The following RGL4 variants were observed in gnomAD, a reference collection of about 807,000 sequenced individuals.
The protein encoded by RGL4 is ral-GDS-related protein.
RGL4 carries 41 observed loss-of-function variants against 49.6 expected under a neutral mutation model. The ratio of observed to expected loss-of-function variants is 0.83; its 90% CI spans 0.64 to 1.07. The LOEUF (loss-of-function observed/expected upper bound fraction) is 1.07, where lower values mean the gene tolerates loss of function less well. Ranked by LOEUF, RGL4 falls within the 50% of genes least tolerant of loss-of-function variation. The pLI is 0.00. For missense variants in RGL4, 610 were observed against 591.9 expected, an observed-to-expected ratio of 1.03 and a Z score of -0.32; for synonymous variants, 255 against 238.0, an observed-to-expected ratio of 1.07 and a Z score of -0.66.
In RGL4 at chr22:23,692,973, G is replaced by C. The variant is rs1923238152; in HGVS notation, c.678G>C (p.Gln226His). The C allele has an allele frequency of 5.0e-6, 8 of 1,606,838 alleles. No homozygotes were observed. The highest frequency in any genetic ancestry group is 6.8e-6 in the Non-Finnish European group (8 of 1,175,704). The change falls in exon 3 of 11, where the codon CAG becomes CAC. Residue 226 changes from glutamine to histidine, a missense_variant. Physicochemically the swap from Gln to His is conservative, Grantham distance 24. Coordinates refer to ENST00000290691, the MANE Select transcript of RGL4 (RefSeq NM_153615.2). ...TTFPPRLLAE[Q>H]LTLMDAELFK... ...TCCCTCCCAGGCTGCTGGCAGAGCA[G>C]CTGACCCTCATGGATGCGGTGAGCA...
chr22:23,694,283 G>A (rs1225867734), intron 4 of RGL4, 64 bp from the exon 5 acceptor site: 3 of 1,243,710 alleles, frequency 2.4e-6, no homozygotes, highest in East Asian at 2.3e-5. Flanking sequence ...TCAGCAGAGG[G>A]GGCTGAGGCT....
At chr22:23,696,548 G>C (rs1923506872) in intron 6 of RGL4, 66 bp from the exon 7 acceptor site, 2 of 1,610,374 alleles carry the variant, frequency 1.2e-6, no homozygotes, top group African/African-American at 1.3e-5. Context: ...CCAAGTGCGG[G>C]GTGGCTGGGG....
At chr22:23,693,107 T>A (rs1290401410) in intron 3 of RGL4, 116 bp downstream of exon 3, 3 of 1,439,034 alleles carry the variant, frequency 2.1e-6, no homozygotes, top group Admixed American at 5.5e-5. Flanking sequence ...TTACCAACCG[T>A]GGGATCTGGA....
Position 23,691,846 on chromosome 22 carries a change from G to C in RGL4, c.-185G>C, listed in dbSNP as rs922630405. The C allele has an allele frequency of 1.7e-6, 1 of 575,162 alleles. No individual in the cohort carries two copies. Among genetic ancestry groups the C allele is most frequent in the African/African-American group, 1.9e-5 (1 of 53,712 alleles). 35.6% of individuals were successfully genotyped at this position (575,162 alleles called of 1,614,324 possible). A position where few individuals can be genotyped will look rare whatever the true frequency, so the allele number is the denominator to read the frequency against. On this transcript the variant is annotated 5_prime_UTR_variant, in exon 1 of 11. Transcript: ENST00000290691. ...GGACTTCCCCCACAAGAGGCAAATA[G>C]TGAGTTCTGTAAATGGAGACTTAGG...
Position 23,694,396 on chromosome 22 carries a change from C to G in RGL4, c.962C>G (p.Ala321Gly). ...TCCTCGGTGCACGTCATCGTCTCTG[C>G]TCTGTGCAGCAACCCAATAGGTCAG... ...NFSSVHVIVS[A>G]LCSNPIGQLH... The change falls in exon 5 of 11, where the codon GCT becomes GGT. Residue 321 changes from alanine to glycine, a missense_variant. By Grantham distance (60) the Ala-to-Gly change is moderately conservative. Transcript: ENST00000290691. The G allele has an allele frequency of 1.2e-6, 2 of 1,614,042 alleles. No homozygotes were observed. The highest frequency in any genetic ancestry group is 1.1e-5 in the South Asian group (1 of 91,088).
At chr22:23,693,247 A>G in intron 3 of RGL4, 1 of 629,766 alleles carries the variant, frequency 1.6e-6, no homozygotes. Flanking sequence ...AGGGCAGGGC[A>G]GGTGCTCACT....
At chr22:23,696,076 C>T (rs1923474135) in intron 6 of RGL4, among the ~76,000 whole-genome samples, 1 of 152,202 alleles carries the variant, frequency 6.6e-6, no homozygotes, top group Non-Finnish European at 1.5e-5. Flanking sequence ...CACTCAAAGA[C>T]TCCAGAGAAC....
rs544286504 is a variant in RGL4, at chr22:23,694,033, C to T, written c.912+59C>T. The T allele has an allele frequency of 2.3e-5, 33 of 1,456,558 alleles. 2 individuals are homozygous for T. In the South Asian group the frequency reaches 3.8e-4, roughly 17 times the overall value. 90.2% of individuals were successfully genotyped at this position (1,456,558 alleles called of 1,614,324 possible). On this transcript the variant is annotated intron_variant, in intron 4 of 10. Transcript: ENST00000290691. ...TAAAAATGGGGAACTTCCTCTTCTC[C>T]TCCATCGGCTTTCAGGATCGGCATC... is the stretch of plus-strand genomic sequence containing the variant.
Position 23,692,104 on chromosome 22 carries a change from G to GTT in RGL4, c.74_75insTT (p.Leu26SerfsTer64). 3.1e-6 allele frequency: 5 copies of GTT among 1,614,162 alleles called. No homozygotes were observed. The highest frequency in any genetic ancestry group is 4.2e-6 in the Non-Finnish European group (5 of 1,180,006). ...CAGGTGTACAGTGCTGTGCTCCAGGGCCTTTGGGAAGAGAATGTCTGTGGG... is the reference window on the plus strand; with the variant it reads ...CAGGTGTACAGTGCTGTGCTCCAGGGTTCCTTTGGGAAGAGAATGTCTGTGGG... On this transcript the variant is annotated frameshift_variant, in exon 1 of 11. Transcript: ENST00000290691. LOFTEE classifies it high-confidence loss of function.
chr22:23,694,182 TA>T, intron 4 of RGL4, 164 bp from the exon 5 acceptor site: 1 of 716,978 alleles, frequency 1.4e-6, no homozygotes. Flanking sequence ...TGGGTTGAAC[TA>T]AAATCCTCCT....
In RGL4 at chr22:23,691,844, T is replaced by C. The variant is rs1430579507; in HGVS notation, c.-187T>C. On this transcript the variant is annotated 5_prime_UTR_variant, in exon 1 of 11. Coordinates refer to ENST00000290691, the MANE Select transcript of RGL4 (RefSeq NM_153615.2). ...GGGGACTTCCCCCACAAGAGGCAAATAGTGAGTTCTGTAAATGGAGACTTA... is the reference window on the plus strand; with the variant it reads ...GGGGACTTCCCCCACAAGAGGCAAACAGTGAGTTCTGTAAATGGAGACTTA... 7.1e-6 allele frequency: 4 copies of C among 564,008 alleles called. No individual in the cohort carries two copies. Among genetic ancestry groups the C allele is most frequent in the East Asian group, 2.8e-5 (1 of 35,400 alleles). 34.9% of individuals were successfully genotyped at this position (564,008 alleles called of 1,614,324 possible). A position where few individuals can be genotyped will look rare whatever the true frequency, so the allele number is the denominator to read the frequency against.
At chr22:23,697,493 G>A (rs1923583791) in intron 8 of RGL4, among the ~76,000 whole-genome samples, 1 of 152,180 alleles carries the variant, frequency 6.6e-6, no homozygotes, top group Admixed American at 6.5e-5. Context: ...AAGCTGCTGA[G>A]GTGTGGGCTG....
intron 3 of RGL4, 84 bp downstream of exon 3, chr22:23,693,075 G>T: frequency 6.8e-7 from 1 of 1,475,280 alleles, no homozygotes; most frequent in Non-Finnish European, 8.9e-7. Context: ...CAATGCCCTC[G>T]GTCCAATTTC....
At position 23,692,057 on chromosome 22, in the gene RGL4, T is replaced by C. The variant is rs6003844; in HGVS notation, c.27T>C (p.Pro9=). The change falls in exon 1 of 11, where the codon CCT becomes CCC. Residue 9 remains proline (P), a synonymous_variant. Coordinates refer to ENST00000290691, the MANE Select transcript of RGL4 (RefSeq NM_153615.2). ...TGAGGAAGCTGCTCACAAATCTGCC[T>C]GCAGCTGCAGTCTTGAGTGCCCAGG... is the stretch of plus-strand genomic sequence containing the variant. MRKLLTNL[P]AAAVLSAQVY... is the part of the protein sequence containing the mutation. The C allele has an allele frequency of 5.9e-3, 9,570 of 1,614,034 alleles. 470 individuals are homozygous for C. In the African/African-American group the frequency reaches 0.11, roughly 19 times the overall value.
At chr22:23,696,015 A>G (rs1361463327) in intron 6 of RGL4, among the ~76,000 whole-genome samples, 1 of 152,214 alleles carries the variant, frequency 6.6e-6, no homozygotes, top group Non-Finnish European at 1.5e-5. Context: ...CAGGTCTCCT[A>G]AAATGCCCTG....
intron 1 of RGL4, 45 bp downstream of exon 1, chr22:23,692,254 C>T (rs1360466758): frequency 1.2e-6 from 2 of 1,607,962 alleles, no homozygotes; most frequent in East Asian, 4.5e-5. Flanking sequence ...AGGCCAGGGA[C>T]CCAGAACCAC....
rs1411804839 is a variant in RGL4 at position 23,699,089 on chromosome 22, A to G, written c.*206A>G. On this transcript the variant is annotated 3_prime_UTR_variant, in exon 11 of 11. Coordinates refer to ENST00000290691, the MANE Select transcript of RGL4 (RefSeq NM_153615.2). Reference sequence around the variant, plus strand: ...GGGACTTTTGTGAGTCAGGCGGGAGACCATTTTATGTTTATTTTCTTTAGT... The same window carrying G: ...GGGACTTTTGTGAGTCAGGCGGGAGGCCATTTTATGTTTATTTTCTTTAGT... The G allele has an allele frequency of 6.5e-7, 1 of 1,537,228 alleles. No individual in the cohort carries two copies. The highest frequency in any genetic ancestry group is 1.4e-5 in the African/African-American group (1 of 72,970).
rs772160445 is a variant in RGL4 at position 23,698,925 on chromosome 22, T to C, written c.*42T>C. The C allele has an allele frequency of 1.4e-5, 23 of 1,606,058 alleles. No homozygotes were observed. In the South Asian group the frequency reaches 2.5e-4, roughly 17 times the overall value. On this transcript the variant is annotated 3_prime_UTR_variant, in exon 11 of 11. Transcript: ENST00000290691. ...AGTGGCTGGGAACCCACCGGGATGC[T>C]GGCCAGAACACCGGCTCTGCACCAT...
At chr22:23,695,058 G>C (rs1182077676) in intron 6 of RGL4, 39 bp downstream of exon 6, 1 of 1,478,196 alleles carries the variant, frequency 6.8e-7, no homozygotes, top group Non-Finnish European at 9.5e-7. Flanking sequence ...AAGTGTTTAA[G>C]GGTCAGAGAA....
Sources: gnomAD v4.1 joint callset for allele counts (sites outside exome capture counted in the v4.1 genomes callset) on GRCh38, gnomAD v4.1.1 for gene constraint, MANE v1.5 for transcripts, NCBI Gene and HGNC (gene_info 2026-07-23, HGNC 2026-07-21) for gene names.